The following TMCC3 variants were observed in gnomAD, a reference collection of about 807,000 sequenced individuals.
TMCC3 encodes transmembrane and coiled-coil domain family 3.
A neutral mutation model predicts 40.2 loss-of-function variants in TMCC3; 28 were observed. The observed-to-expected ratio is 0.70, with a 90% CI of 0.52 to 0.95. The LOEUF (loss-of-function observed/expected upper bound fraction) is 0.95. TMCC3 is among the 40% of genes least tolerant of loss of function. The pLI is 0.00. For missense variants in TMCC3, 554 were observed against 615.2 expected (o/e 0.90, Z 1.05); for synonymous variants, 255 against 248.5 (o/e 1.03, Z -0.25).
At chr12:94,601,083 C>T (rs1398616563) in intron 1 of TMCC3, among the ~76,000 whole-genome samples, 1 of 152,140 alleles carries the variant, frequency 6.6e-6, no homozygotes, top group Non-Finnish European at 1.5e-5. Context: ...TTGTAAAATA[C>T]TACTTATCTT....
At chr12:94,642,404 C>A (rs965420612) in intron 1 of TMCC3, among the ~76,000 whole-genome samples, 3 of 152,214 alleles carry the variant, frequency 2.0e-5, no homozygotes, top group Non-Finnish European at 4.4e-5. Flanking sequence ...TTAATTCAGT[C>A]AAGCCAGGGT....
chr12:94,634,416 T>G (rs1393861930), intron 1 of TMCC3, among the ~76,000 whole-genome samples: 5 of 151,040 alleles, frequency 3.3e-5, no homozygotes, highest in Non-Finnish European at 7.4e-5. Context: ...AAACAAAAGT[T>G]TAAAAAAAAA....
At chr12:94,597,761 C>T (rs994104633) in intron 1 of TMCC3, among the ~76,000 whole-genome samples, 5 of 151,050 alleles carry the variant, frequency 3.3e-5, no homozygotes, top group African/African-American at 9.7e-5. Flanking sequence ...GAGCCAAGAT[C>T]GCGCCATTGC....
chr12:94,576,619 G>A (rs2068566581), intron 3 of TMCC3, among the ~76,000 whole-genome samples: 1 of 152,064 alleles, frequency 6.6e-6, no homozygotes, highest in South Asian at 2.1e-4. Flanking sequence ...GGGACTACAG[G>A]TACACACTGC....
intron 2 of TMCC3, among the ~76,000 whole-genome samples, chr12:94,579,586 G>A (rs562072721): frequency 6.6e-6 from 1 of 152,316 alleles, no homozygotes; most frequent in South Asian, 2.1e-4. Context: ...ACTGTTTGGA[G>A]AAGATGCATT....
rs116744424 is a variant in TMCC3, at chr12:94,643,738, C to T, written c.78+6615G>A. ...GGGTAAGTGCCCAGCAGATGCTGTACACATCCTTCCCCAGGCACCCAACTA... is the reference window on the plus strand; with the variant it reads ...GGGTAAGTGCCCAGCAGATGCTGTATACATCCTTCCCCAGGCACCCAACTA... On this transcript the variant is annotated intron_variant, in intron 1 of 3. Transcript: ENST00000261226. 5.3e-3 allele frequency among the ~76,000 whole-genome samples: 804 copies of T among 152,334 alleles called. 11 individuals carry two copies. Among genetic ancestry groups the T allele is most frequent in the African/African-American group, 0.019 (774 of 41,558 alleles).
chr12:94,645,601 C>G (rs1341320263), intron 1 of TMCC3, among the ~76,000 whole-genome samples: 2 of 152,034 alleles, frequency 1.3e-5, no homozygotes, highest in East Asian at 3.9e-4. Flanking sequence ...CCATGCCGAG[C>G]TAATTTTTTT....
intron 1 of TMCC3, among the ~76,000 whole-genome samples, chr12:94,641,535 T>C (rs2068990986): frequency 6.6e-6 from 1 of 152,206 alleles, no homozygotes; most frequent in African/African-American, 2.4e-5. Context: ...TGTCTCTCCA[T>C]GGGCCATCGG....
chr12:94,633,488 G>C (rs1039237953), intron 1 of TMCC3, among the ~76,000 whole-genome samples: 1 of 152,136 alleles, frequency 6.6e-6, no homozygotes, highest in African/African-American at 2.4e-5. Flanking sequence ...CAATTTGTCT[G>C]CTTACTATTT....
intron 1 of TMCC3, among the ~76,000 whole-genome samples, chr12:94,622,592 C>T (rs1016441873): frequency 8.5e-5 from 13 of 152,146 alleles, no homozygotes; most frequent in African/African-American, 3.1e-4. Flanking sequence ...AGACTGATGT[C>T]GACTCAGGAA....
At chr12:94,621,055 A>G (rs2068873453) in intron 1 of TMCC3, among the ~76,000 whole-genome samples, 1 of 152,224 alleles carries the variant, frequency 6.6e-6, no homozygotes. Flanking sequence ...AATCTTCTGT[A>G]TATTTTTTAA....
intron 1 of TMCC3, among the ~76,000 whole-genome samples, chr12:94,613,143 A>G (rs942299941): frequency 6.6e-5 from 10 of 152,076 alleles, no homozygotes; most frequent in Non-Finnish European, 4.4e-5. Flanking sequence ...TTATTTGTAC[A>G]GTGGAATGAA....
intron 1 of TMCC3, among the ~76,000 whole-genome samples, chr12:94,639,031 C>G (rs1055499037): frequency 6.6e-6 from 1 of 152,202 alleles, no homozygotes; most frequent in Admixed American, 6.5e-5. Flanking sequence ...TTCTTCTCCA[C>G]CCACTATCTG....
chr12:94,608,962 T>G (rs937817467), intron 1 of TMCC3, among the ~76,000 whole-genome samples: 1 of 152,204 alleles, frequency 6.6e-6, no homozygotes, highest in African/African-American at 2.4e-5. Context: ...GGCCAGGCGC[T>G]GTGGCCCATA....
intron 1 of TMCC3, among the ~76,000 whole-genome samples, chr12:94,588,986 C>A (rs945216930): frequency 5.3e-5 from 8 of 152,182 alleles, no homozygotes; most frequent in Non-Finnish European, 1.2e-4. Context: ...CCACACCCAG[C>A]TAATTTTTGT....
intron 1 of TMCC3, among the ~76,000 whole-genome samples, chr12:94,622,135 G>A (rs1053155277): frequency 1.3e-5 from 2 of 152,138 alleles, no homozygotes; most frequent in African/African-American, 4.8e-5. Context: ...CACACTTTTG[G>A]TTATGGCAAC....
At chr12:94,599,556 A>AACCCCCCCC (rs2068739134) in intron 1 of TMCC3, among the ~76,000 whole-genome samples, 2 of 69,508 alleles carry the variant, frequency 2.9e-5, no homozygotes, top group Non-Finnish European at 6.3e-5. Context: ...TTTAAAAGAT[A>AACCCCCCCC]CCCCCCCCCC....
chr12:94,584,513 C>T (rs1269602992), intron 1 of TMCC3, among the ~76,000 whole-genome samples: 2 of 151,906 alleles, frequency 1.3e-5, no homozygotes, highest in African/African-American at 4.8e-5. Flanking sequence ...GTGATCCAGA[C>T]TTGAATATGG....
intron 3 of TMCC3, among the ~76,000 whole-genome samples, chr12:94,575,531 A>T (rs887389268): frequency 1.3e-5 from 2 of 152,238 alleles, no homozygotes; most frequent in Non-Finnish European, 2.9e-5. Flanking sequence ...AAGACACTCC[A>T]GTCATTCACA....
Sources: allele counts gnomAD v4.1 joint callset (sites outside exome capture counted in the v4.1 genomes callset), GRCh38; gene constraint gnomAD v4.1.1; transcripts MANE v1.5; gene names NCBI Gene and HGNC (gene_info 2026-07-23, HGNC 2026-07-21).